Variants in BLM observed in about 807,000 individuals in gnomAD.
The protein encoded by BLM is recQ-like DNA helicase BLM.
A neutral mutation model predicts 135.3 loss-of-function variants in BLM; 95 were observed. That is an observed-to-expected ratio of 0.70 (90% CI 0.59 to 0.83). BLM has a LOEUF of 0.83. Ranked by LOEUF, BLM falls within the 40% of genes least tolerant of loss-of-function variation. The probability of loss-of-function intolerance (pLI) is 0.00; values close to 1 mark genes in which losing one functional copy is unlikely to be tolerated. For missense variants in BLM, 1,518 were observed against 1,663.9 expected, an observed-to-expected ratio of 0.91 and a Z score of 1.53; for synonymous variants, 520 against 589.2, an observed-to-expected ratio of 0.88 and a Z score of 1.70.
chr15:90,782,858 C>G lies in BLM; in HGVS notation c.2592C>G (p.Tyr864Ter), dbSNP rs1896651394. ...GCTTTAACAGACATAATCTGAAATA[C>G]TATGTATTACCGAAAAAGCCTAAAA... Reference protein sequence around the residue: ...SMSFNRHNLKYYVLPKKPKKV... With the variant: ...SMSFNRHNLK Residue 864 changes from tyrosine to a stop codon, truncating the protein, a stop_gained, in exon 13 of 22, where the codon TAC (tyrosine) becomes TAG (stop). Coordinates refer to ENST00000355112, the MANE Select transcript of BLM (RefSeq NM_000057.4). LOFTEE classifies it high-confidence loss of function. 1 of 1,613,566 alleles carries G rather than the reference C, an allele frequency of 6.2e-7. No individual in the cohort carries two copies. Among genetic ancestry groups the G allele is most frequent in the Non-Finnish European group, 8.5e-7 (1 of 1,179,558 alleles).
chr15:90,779,780 T>A (rs1896572445), intron 12 of BLM, among the ~76,000 whole-genome samples: 2 of 152,210 alleles, frequency 1.3e-5, no homozygotes, highest in Non-Finnish European at 2.9e-5. Flanking sequence ...CAGAACATCC[T>A]AATAAGGACC....
chr15:90,760,408 A>G, intron 6 of BLM, 129 bp downstream of exon 6: 3 of 1,360,942 alleles, frequency 2.2e-6, no homozygotes, highest in South Asian at 1.2e-5. Context: ...TCATGCCACT[A>G]TGTTTTTGAT....
intron 19 of BLM, among the ~76,000 whole-genome samples, chr15:90,808,090 C>T (rs745573165): frequency 6.6e-6 from 1 of 152,198 alleles, no homozygotes; most frequent in Non-Finnish European, 1.5e-5. Flanking sequence ...TCCTTACCTC[C>T]AGCTGTGAAT....
intron 1 of BLM, among the ~76,000 whole-genome samples, chr15:90,725,576 C>G (rs1451604637): frequency 2.6e-5 from 4 of 151,366 alleles, no homozygotes; most frequent in African/African-American, 9.7e-5. Flanking sequence ...TCACTGCAAG[C>G]TCCGCCTCCC....
At chr15:90,775,532 A>G (rs8034556) in intron 12 of BLM, among the ~76,000 whole-genome samples, 34,232 of 130,502 alleles carry the variant, frequency 0.26, 4,553 homozygotes, top group African/African-American at 0.48. Flanking sequence ...GTGTGTGTGT[A>G]TTTTAGACCA....
chr15:90,759,442 G>A (rs1895901054), intron 5 of BLM, among the ~76,000 whole-genome samples: 1 of 151,592 alleles, frequency 6.6e-6, no homozygotes, highest in East Asian at 1.9e-4. Context: ...AAGATGTGTT[G>A]TGTTGCTGGG....
intron 13 of BLM, 90 bp downstream of exon 13, chr15:90,783,018 C>G (rs1896657434): frequency 1.9e-6 from 2 of 1,035,658 alleles, no homozygotes; most frequent in South Asian, 1.4e-5. Context: ...ATTAAACATT[C>G]CTTTTTGCAT....
Position 90,760,645 on chromosome 15 carries a change from T to C in BLM, c.1272T>C (p.Leu424=). ...TTAATAAAAGTGATGCCAGTCTTCT[T>C]GGCTCATTGTGGAGATACAGGCCTG... ...VDFNKSDASL[L]GSLWRYRPDS... The change falls in exon 7 of 22, where the codon CTT becomes CTC. Residue 424 remains leucine, a synonymous_variant. Transcript: ENST00000355112. 6.2e-7 allele frequency: 1 copy of C among 1,613,180 alleles called. No individual in the cohort carries two copies.
intron 1 of BLM, among the ~76,000 whole-genome samples, chr15:90,722,096 C>A (rs1894783403): frequency 1.3e-5 from 2 of 151,854 alleles, no homozygotes; most frequent in Non-Finnish European, 2.9e-5. Context: ...ACCAGCCTGG[C>A]CAACAGGGTG....
chr15:90,814,905 T>G (rs1390971937), intron 21 of BLM, among the ~76,000 whole-genome samples, 197 bp from the exon 22 acceptor site: 1 of 151,948 alleles, frequency 6.6e-6, no homozygotes, highest in African/African-American at 2.4e-5. Flanking sequence ...CAGAACAAAT[T>G]TATATGAAGG....
chr15:90,784,976 C>T lies in BLM; in HGVS notation c.2718C>T (p.Asp906=), dbSNP rs1050669569. The change falls in exon 14 of 22, where the codon GAC becomes GAT. Residue 906 remains aspartate (D), a synonymous_variant. Coordinates refer to ENST00000355112, the MANE Select transcript of BLM (RefSeq NM_000057.4). Reference sequence around the variant, plus strand: ...GGCGAGAATGTGACACCATGGCTGACACGTTACAGAGAGATGGGCTCGCTG... The same window carrying T: ...GGCGAGAATGTGACACCATGGCTGATACGTTACAGAGAGATGGGCTCGCTG... ...LSRRECDTMA[D]TLQRDGLAAL... 1 of 1,614,132 alleles carries T rather than the reference C, an allele frequency of 6.2e-7. No individual in the cohort carries two copies.
chr15:90,741,460 T>C (rs1414331364), intron 1 of BLM, among the ~76,000 whole-genome samples: 1 of 152,214 alleles, frequency 6.6e-6, no homozygotes, highest in African/African-American at 2.4e-5. Flanking sequence ...CTGTTATCTT[T>C]TCAAATATTA....
intron 12 of BLM, among the ~76,000 whole-genome samples, chr15:90,775,272 A>G (rs1413007593): frequency 1.3e-5 from 2 of 152,080 alleles, no homozygotes; most frequent in Non-Finnish European, 2.9e-5. Flanking sequence ...TTGACCATAA[A>G]TGGAATGGAG....
chr15:90,765,264 C>T (rs1418174922), intron 8 of BLM, 32 bp from the exon 9 acceptor site: 1 of 1,490,722 alleles, frequency 6.7e-7, no homozygotes, highest in East Asian at 2.3e-5. Flanking sequence ...AAGACAGAAC[C>T]TGACAGATAT....
At chr15:90,760,424 T>A in intron 6 of BLM, 145 bp downstream of exon 6, 1 of 1,332,492 alleles carries the variant, frequency 7.5e-7, no homozygotes, top group Non-Finnish European at 1.1e-6. Context: ...TTGATTTGTT[T>A]ACTTTTCAAA....
intron 2 of BLM, among the ~76,000 whole-genome samples, 188 bp from the exon 3 acceptor site, chr15:90,749,179 G>A (rs1300813621): frequency 2.6e-5 from 4 of 152,184 alleles, no homozygotes. Flanking sequence ...GCCTCTGAAT[G>A]GGAAGGACCA....
At chr15:90,764,454 C>A (rs1896068965) in intron 8 of BLM, among the ~76,000 whole-genome samples, 1 of 150,322 alleles carries the variant, frequency 6.7e-6, no homozygotes, top group Non-Finnish European at 1.5e-5. Context: ...TTCAAACAAT[C>A]CCCCCCACCT....
At chr15:90,728,437 C>T (rs1180536872) in intron 1 of BLM, among the ~76,000 whole-genome samples, 2 of 152,142 alleles carry the variant, frequency 1.3e-5, no homozygotes, top group Non-Finnish European at 2.9e-5. Flanking sequence ...CACTCTGTCA[C>T]CCAGACTGAA....
chr15:90,736,425 A>G (rs1234054821), intron 1 of BLM, among the ~76,000 whole-genome samples: 2 of 151,824 alleles, frequency 1.3e-5, no homozygotes, highest in Admixed American at 1.3e-4. Context: ...ACGCCTTACT[A>G]ATTTAAAAAT....
Sources: gnomAD v4.1 joint callset for allele counts (sites outside exome capture counted in the v4.1 genomes callset) on GRCh38, gnomAD v4.1.1 for gene constraint, MANE v1.5 for transcripts, NCBI Gene and HGNC (gene_info 2026-07-23, HGNC 2026-07-21) for gene names.